The following DOCK4 variants were observed in gnomAD, a reference collection of about 807,000 sequenced individuals.
DOCK4 encodes the protein dedicator of cytokinesis 4.
Under a neutral mutation model 268.1 loss-of-function variants are expected in DOCK4, and 97 were observed. That is an observed-to-expected ratio of 0.36 (90% CI 0.31 to 0.43). The LOEUF (loss-of-function observed/expected upper bound fraction) is 0.43. Among genes scored for constraint, DOCK4 ranks in the 20% least tolerant of loss-of-function variants. DOCK4 has a pLI of 1.00. For synonymous variants in DOCK4, 954 were observed against 887.2 expected, an observed-to-expected ratio of 1.08 and a Z score of -1.34; for missense variants, 2,145 against 2,455.7, an observed-to-expected ratio of 0.87 and a Z score of 2.67.
At chr7:112,072,342 A>C (rs1807672281) in intron 1 of DOCK4, among the ~76,000 whole-genome samples, 1 of 152,214 alleles carries the variant, frequency 6.6e-6, no homozygotes, top group South Asian at 2.1e-4. Context: ...ACTACACAAG[A>C]CATTTTGTTA....
chr7:111,745,980 G>C (rs946643708), intron 44 of DOCK4, among the ~76,000 whole-genome samples: 4 of 152,096 alleles, frequency 2.6e-5, no homozygotes, highest in East Asian at 1.9e-4. Context: ...ATGTGTATAA[G>C]ATATATATGA....
intron 30 of DOCK4, among the ~76,000 whole-genome samples, chr7:111,801,394 A>T (rs1446419671): frequency 6.6e-6 from 1 of 152,116 alleles, no homozygotes; most frequent in Non-Finnish European, 1.5e-5. Flanking sequence ...CTTGCCTGTT[A>T]AACTTTTCGC....
At chr7:111,963,023 A>G (rs190050883) in intron 8 of DOCK4, among the ~76,000 whole-genome samples, 61 of 152,336 alleles carry the variant, frequency 4.0e-4, no homozygotes, top group African/African-American at 1.3e-3. Flanking sequence ...TATGAAATAT[A>G]TTCTCTGATG....
chr7:112,200,215 C>T (rs573593110), intron 1 of DOCK4, among the ~76,000 whole-genome samples: 6 of 151,874 alleles, frequency 4.0e-5, no homozygotes, highest in South Asian at 2.1e-4. Context: ...TTTTTTTTAA[C>T]AAAAAAGAAT....
chr7:111,831,489 C>CTT (rs112825399), intron 26 of DOCK4, among the ~76,000 whole-genome samples: 21 of 144,064 alleles, frequency 1.5e-4, no homozygotes, highest in African/African-American at 2.3e-4. Flanking sequence ...TTTCCTTTTT[C>CTT]TTTTTTTTTT....
intron 8 of DOCK4, among the ~76,000 whole-genome samples, chr7:111,951,647 CAAAA>C (rs35968911): frequency 5.8e-5 from 5 of 85,846 alleles, no homozygotes; most frequent in African/African-American, 1.2e-4. Flanking sequence ...CCATCGCTAC[CAAAA>C]AAAAAAAAAA....
At chr7:111,742,363 TA>T (rs1335783542) in intron 44 of DOCK4, among the ~76,000 whole-genome samples, 1 of 152,212 alleles carries the variant, frequency 6.6e-6, no homozygotes, top group Admixed American at 6.5e-5. Context: ...ATTTCAGACT[TA>T]ATTTTCCTAC....
intron 12 of DOCK4, 197 bp downstream of exon 12, chr7:111,935,343 A>AT (rs971325381): frequency 4.7e-6 from 3 of 644,394 alleles, no homozygotes; most frequent in African/African-American, 3.7e-5. Flanking sequence ...AATAGAATAC[A>AT]TTTTTTATAG....
At chr7:111,751,091 G>A (rs867704107) in intron 42 of DOCK4, among the ~76,000 whole-genome samples, 1 of 152,104 alleles carries the variant, frequency 6.6e-6, no homozygotes, top group Non-Finnish European at 1.5e-5. Flanking sequence ...ATCACCAGTG[G>A]CTGCCAACAT....
chr7:111,738,986 G>GA (rs1756543985), intron 49 of DOCK4, 148 bp downstream of exon 49: 1 of 631,344 alleles, frequency 1.6e-6, no homozygotes, highest in African/African-American at 1.8e-5. Flanking sequence ...ACCATGGGCA[G>GA]AAAACAGAGG....
At chr7:112,027,868 G>C (rs1257121717) in intron 1 of DOCK4, among the ~76,000 whole-genome samples, 1 of 152,186 alleles carries the variant, frequency 6.6e-6, no homozygotes, top group Non-Finnish European at 1.5e-5. Flanking sequence ...CTGAGACAAG[G>C]TGAGTAAATC....
intron 14 of DOCK4, among the ~76,000 whole-genome samples, chr7:111,901,236 G>C (rs1791116453): frequency 6.6e-6 from 1 of 151,102 alleles, no homozygotes; most frequent in African/African-American, 2.4e-5. Flanking sequence ...TGAAGGGCTG[G>C]GGTACGAGAA....
At chr7:112,160,359 T>A (rs186179796) in intron 1 of DOCK4, among the ~76,000 whole-genome samples, 2 of 152,312 alleles carry the variant, frequency 1.3e-5, no homozygotes, top group Non-Finnish European at 2.9e-5. Flanking sequence ...ACTCACACAA[T>A]GCCAGAGAAC....
intron 39 of DOCK4, 59 bp from the exon 40 acceptor site, chr7:111,760,381 GCCAAAAAA>G (rs1797307591): frequency 3.2e-6 from 5 of 1,549,904 alleles, no homozygotes; most frequent in Non-Finnish European, 3.5e-6. Context: ...TACAGACAGA[GCCAAAAAA>G]CATGACACTG....
Position 111,915,669 on chromosome 7 carries a change from G to A in DOCK4, c.1192+110C>T, listed in dbSNP as rs75444484. On this transcript the variant is annotated intron_variant, in intron 13 of 52. Coordinates refer to ENST00000428084, the MANE Select transcript of DOCK4 (RefSeq NM_001363540.2). ...GTCACATACCTCATTTCATTCTTCA[G>A]CATGGCCCATGTGAATGCTTCAAAG... The A allele has an allele frequency of 3.9e-3, 4,376 of 1,107,876 alleles. 133 individuals carry two copies. In the African/African-American group the frequency reaches 0.058, roughly 15 times the overall value. 68.6% of individuals were successfully genotyped at this position (1,107,876 alleles called of 1,614,324 possible).
intron 12 of DOCK4, among the ~76,000 whole-genome samples, chr7:111,934,523 G>GTTTTTGTTTTTTTTTTT (rs1562907282): frequency 8.3e-5 from 7 of 83,874 alleles, no homozygotes; most frequent in African/African-American, 2.8e-4. Flanking sequence ...TTTTGTTTTT[G>GTTTTTGTTTTTTTTTTT]TTTTTTTTTT....
intron 32 of DOCK4, among the ~76,000 whole-genome samples, chr7:111,786,330 C>T (rs528664067): frequency 6.6e-6 from 1 of 152,110 alleles, no homozygotes; most frequent in African/African-American, 2.4e-5. Context: ...ATCCCCAGCC[C>T]TGGGGAGTGC....
At chr7:111,983,844 A>ATG (rs1554402959) in intron 7 of DOCK4, among the ~76,000 whole-genome samples, 4,495 of 138,728 alleles carry the variant, frequency 0.032, 172 homozygotes, top group African/African-American at 0.085. Context: ...GTACACACAC[A>ATG]CGCGCGCGCG....
chr7:111,925,660 C>A (rs1310406523), intron 12 of DOCK4, among the ~76,000 whole-genome samples: 1 of 152,130 alleles, frequency 6.6e-6, no homozygotes, highest in Non-Finnish European at 1.5e-5. Context: ...ACCAAAGTAC[C>A]CAAATTACAG....
Sources: allele counts gnomAD v4.1 joint callset (sites outside exome capture counted in the v4.1 genomes callset), GRCh38; gene constraint gnomAD v4.1.1; transcripts MANE v1.5; gene names NCBI Gene and HGNC (gene_info 2026-07-23, HGNC 2026-07-21).